The following CACNA1E variants were observed in gnomAD, a reference collection of about 807,000 sequenced individuals.
CACNA1E encodes the protein voltage-dependent R-type calcium channel subunit alpha-1E.
A neutral mutation model predicts 259.2 loss-of-function variants in CACNA1E; 40 were observed. That is an observed-to-expected ratio of 0.15 (90% CI 0.12 to 0.20). The LOEUF (loss-of-function observed/expected upper bound fraction) is 0.20, where lower values mean the gene tolerates loss of function less well. CACNA1E is among the 10% of genes least tolerant of loss of function. The probability of loss-of-function intolerance (pLI) is 1.00; values close to 1 mark genes in which losing one functional copy is unlikely to be tolerated. For synonymous variants in CACNA1E, 1,104 were observed against 1,138.5 expected, an observed-to-expected ratio of 0.97 and a Z score of 0.61; for missense variants, 1,874 against 3,040.1, an observed-to-expected ratio of 0.62 and a Z score of 9.02.
chr1:181,794,266 G>A (rs762982798), intron 45 of CACNA1E, among the ~76,000 whole-genome samples: 21 of 152,174 alleles, frequency 1.4e-4, no homozygotes, highest in Non-Finnish European at 2.1e-4. Flanking sequence ...ACAGAGACAA[G>A]AAGTTTTTGT....
At chr1:181,585,740 G>A (rs570823007) in intron 6 of CACNA1E, among the ~76,000 whole-genome samples, 1 of 152,336 alleles carries the variant, frequency 6.6e-6, no homozygotes, top group Admixed American at 6.5e-5. Flanking sequence ...AGCTGGGCCA[G>A]CAAGTGCAGA....
Position 181,449,170 on chromosome 1 carries a change from G to A in CACNA1E, c.435-34574G>A, listed in dbSNP as rs551861248. On this transcript the variant is annotated intron_variant, in intron 2 of 11. Coordinates refer to the CACNA1E transcript ENST00000524607. ...TATTTTGAGTGCAGTTTGTTTGGAT[G>A]TGGGTAGACTATTGATGCTGTGGCA... Among the ~76,000 whole-genome samples, 13 of 151,614 alleles carry A rather than the reference G, an allele frequency of 8.6e-5. 1 individual carries two copies. The South Asian group carries it at 2.7e-3, about 32-fold the overall frequency.
chr1:181,678,442 G>A (rs1649595411), intron 7 of CACNA1E, among the ~76,000 whole-genome samples: 1 of 152,170 alleles, frequency 6.6e-6, no homozygotes, highest in Non-Finnish European at 1.5e-5. Flanking sequence ...TAACAATAAT[G>A]ATAATAAAAC....
chr1:181,729,934 C>T (rs1655306114), intron 18 of CACNA1E, among the ~76,000 whole-genome samples: 1 of 152,220 alleles, frequency 6.6e-6, no homozygotes, highest in Admixed American at 6.5e-5. Flanking sequence ...TGCTTCTTGG[C>T]TCTCCCGCCC....
rs139246242 is a variant in CACNA1E at position 181,333,803 on chromosome 1, G to A, written c.-15+15680G>A. Among the ~76,000 whole-genome samples, 1,192 of 152,124 alleles carry A rather than the reference G, an allele frequency of 7.8e-3. 9 individuals carry two copies. The highest frequency in any genetic ancestry group is 0.012 in the Non-Finnish European group (846 of 67,980). ...CCTAAGTAGCTGGGATTACAGGCATGTACCACCACGCCCGGCTAATTTTTT... is the reference window on the plus strand; with the variant it reads ...CCTAAGTAGCTGGGATTACAGGCATATACCACCACGCCCGGCTAATTTTTT... On this transcript the variant is annotated intron_variant, in intron 1 of 11. Coordinates refer to the CACNA1E transcript ENST00000524607.
chr1:181,415,063 A>G (rs1408584667), intron 2 of CACNA1E, among the ~76,000 whole-genome samples: 1 of 152,180 alleles, frequency 6.6e-6, no homozygotes, highest in African/African-American at 2.4e-5. Context: ...TTTAAATACA[A>G]TGCAGCTCTG....
intron 2 of CACNA1E, among the ~76,000 whole-genome samples, chr1:181,449,607 T>C (rs1204634370): frequency 6.6e-6 from 1 of 152,206 alleles, no homozygotes; most frequent in Admixed American, 6.5e-5. Flanking sequence ...GTCAGAAGTG[T>C]GCATGAAGTG....
At position 181,485,123 on chromosome 1, in the gene CACNA1E, G is replaced by A. The variant is rs1663681414; in HGVS notation, c.266+1113G>A. ...GTCTGGCGTTAAATATGGGGATGGG[G>A]TTGGAGACATGGGACTTTGGGAGGG... is the stretch of plus-strand genomic sequence containing the variant. On this transcript the variant is annotated intron_variant, in intron 1 of 47. Coordinates refer to ENST00000367573, the MANE Select transcript of CACNA1E (RefSeq NM_001205293.3). This position sits in a 1 kb window ranked among gnomAD's most constrained non-coding sequence, Gnocchi z 4.2. Among the ~76,000 whole-genome samples the A allele has an allele frequency of 6.6e-6, 1 of 152,240 alleles. No homozygotes were observed. The highest frequency in any genetic ancestry group is 2.4e-5 in the African/African-American group (1 of 41,458).
chr1:181,390,957 C>T (rs139996985), intron 1 of CACNA1E, among the ~76,000 whole-genome samples: 2 of 152,194 alleles, frequency 1.3e-5, no homozygotes, highest in Non-Finnish European at 2.9e-5. Context: ...TGCCCCTGCC[C>T]TTACCTTTCC....
chr1:181,443,801 G>A (rs1300478558), intron 2 of CACNA1E, among the ~76,000 whole-genome samples: 1 of 152,198 alleles, frequency 6.6e-6, no homozygotes, highest in Non-Finnish European at 1.5e-5. Context: ...TCCCCCTGCA[G>A]CACAATAAAT....
intron 7 of CACNA1E, among the ~76,000 whole-genome samples, chr1:181,659,761 A>C (rs180762653): frequency 2.0e-5 from 3 of 152,354 alleles, no homozygotes; most frequent in East Asian, 1.9e-4. Context: ...GACTCCATGC[A>C]GTATGTGGAC....
At chr1:181,643,404 G>A (rs1019594424) in intron 6 of CACNA1E, among the ~76,000 whole-genome samples, 2 of 152,222 alleles carry the variant, frequency 1.3e-5, no homozygotes, top group Non-Finnish European at 2.9e-5. Flanking sequence ...CCATATTGGA[G>A]GTGCCCACTT....
chr1:181,757,810 C>T (rs1370759872), intron 30 of CACNA1E, 137 bp from the exon 31 acceptor site: 1 of 855,962 alleles, frequency 1.2e-6, no homozygotes, highest in African/African-American at 1.7e-5. Context: ...GTCCAAGTGA[C>T]CCCAGTTGCC....
chr1:181,665,372 C>G (rs1336498545), intron 7 of CACNA1E, among the ~76,000 whole-genome samples: 3 of 152,144 alleles, frequency 2.0e-5, no homozygotes, highest in Non-Finnish European at 2.9e-5. Flanking sequence ...CTGAATTTGC[C>G]TTGCAGAGTG....
chr1:181,712,096 C>G (rs1653430291), intron 8 of CACNA1E, among the ~76,000 whole-genome samples: 1 of 152,178 alleles, frequency 6.6e-6, no homozygotes, highest in East Asian at 1.9e-4. Context: ...AGGAATAGTT[C>G]TCAGCTGCCT....
intron 7 of CACNA1E, among the ~76,000 whole-genome samples, chr1:181,654,277 T>C (rs1191772835): frequency 6.6e-6 from 1 of 150,800 alleles, no homozygotes; most frequent in Admixed American, 6.6e-5. Flanking sequence ...TGAAATAATG[T>C]AAAAATATAA....
At chr1:181,361,550 G>GCCCTTTC (rs1305246928) in intron 1 of CACNA1E, among the ~76,000 whole-genome samples, 2 of 152,128 alleles carry the variant, frequency 1.3e-5, no homozygotes, top group Admixed American at 6.5e-5. Context: ...GCCCTGGGCA[G>GCCCTTTC]AGGCAACATG....
intron 6 of CACNA1E, among the ~76,000 whole-genome samples, chr1:181,613,222 C>T (rs1293233995): frequency 6.6e-6 from 1 of 151,940 alleles, no homozygotes; most frequent in Non-Finnish European, 1.5e-5. Context: ...TTGTTTTCTT[C>T]TCAGCATTTA....
At chr1:181,750,209 G>A (rs1657467875) in intron 25 of CACNA1E, among the ~76,000 whole-genome samples, 1 of 152,270 alleles carries the variant, frequency 6.6e-6, no homozygotes, top group Non-Finnish European at 1.5e-5. Flanking sequence ...CCTTGTGCTG[G>A]CAGAGGGCCT....
Sources: gnomAD v4.1 joint callset for allele counts (sites outside exome capture counted in the v4.1 genomes callset) on GRCh38, gnomAD v4.1.1 for gene constraint, Gnocchi (gnomAD v3.1) non-coding constraint, MANE v1.5 for transcripts, NCBI Gene and HGNC (gene_info 2026-07-23, HGNC 2026-07-21) for gene names.